Variants in SEC24A observed in about 807,000 individuals in gnomAD.
SEC24A encodes protein transport protein Sec24A.
In SEC24A, 93 loss-of-function variants were observed where a neutral mutation model predicts 129.4. That is an observed-to-expected ratio of 0.72 (90% confidence interval 0.61 to 0.85). The LOEUF is 0.85. SEC24A is among the 40% of genes least tolerant of loss of function. The pLI is 0.00. For missense variants in SEC24A, 1,264 were observed against 1,307.4 expected (o/e 0.97, Z 0.51); for synonymous variants, 460 against 467.3 (o/e 0.98, Z 0.20).
At chr5:134,687,987 G>T (rs1418058263) in intron 10 of SEC24A, among the ~76,000 whole-genome samples, 194 bp from the exon 11 acceptor site, 1 of 152,030 alleles carries the variant, frequency 6.6e-6, no homozygotes, top group African/African-American at 2.4e-5. Context: ...TTATTGTTTG[G>T]CTTACATGTA....
rs565580061 is a variant in SEC24A at position 134,691,501 on chromosome 5, T to C, written c.1724-1101T>C. ...TTTTTAAAGGCACTGGTGTGGGCCT[T>C]CTTTTTTTTTTTTTTTGAGACGAGT... On this transcript the variant is annotated intron_variant, in intron 11 of 22. Transcript: ENST00000398844. Among the ~76,000 whole-genome samples, 10 of 146,560 alleles carry C rather than the reference T, an allele frequency of 6.8e-5. No individual in the cohort carries two copies. The South Asian group carries it at 2.2e-3, about 33-fold the overall frequency.
At chr5:134,687,577 G>A (rs1488718204) in intron 10 of SEC24A, among the ~76,000 whole-genome samples, 2 of 152,174 alleles carry the variant, frequency 1.3e-5, no homozygotes, top group African/African-American at 4.8e-5. Context: ...TTCATCACGA[G>A]TGGAGTAACT....
chr5:134,693,126 G>C (rs753389431), intron 12 of SEC24A: 30 of 1,535,524 alleles, frequency 2.0e-5, no homozygotes, highest in African/African-American at 8.2e-5. Flanking sequence ...GTGTCTGAAG[G>C]GGGGATGTTG....
chr5:134,701,007 C>G (rs745984081), intron 15 of SEC24A, among the ~76,000 whole-genome samples: 1 of 151,994 alleles, frequency 6.6e-6, no homozygotes, highest in Non-Finnish European at 1.5e-5. Context: ...CGTGAGCCAC[C>G]GCGCCTGGAC....
chr5:134,654,995 G>A (rs1303883317), intron 1 of SEC24A, among the ~76,000 whole-genome samples: 1 of 152,104 alleles, frequency 6.6e-6, no homozygotes, highest in Non-Finnish European at 1.5e-5. Flanking sequence ...GATTACAGGT[G>A]TGAACCACTA....
At chr5:134,708,921 G>GA in intron 18 of SEC24A, 33 bp downstream of exon 18, 1 of 1,597,876 alleles carries the variant, frequency 6.3e-7, no homozygotes, top group Non-Finnish European at 8.5e-7. Flanking sequence ...CTAACACAAT[G>GA]ATGGCCAGGC....
intron 15 of SEC24A, among the ~76,000 whole-genome samples, chr5:134,701,597 G>A (rs576907964): frequency 2.0e-5 from 3 of 150,744 alleles, no homozygotes; most frequent in African/African-American, 7.3e-5. Context: ...TGCAACCTTC[G>A]CCTCCCGGGG....
rs1159036757 is a variant in SEC24A, at chr5:134,675,957, T to C, written c.1152-66T>C. ...TATTAAAATGTATACCTTTTAAATC[T>C]TTGTTGTTGTTTTCTTCAAAAATAA... is the stretch of plus-strand genomic sequence containing the variant. On this transcript the variant is annotated intron_variant, in intron 6 of 22. Transcript: ENST00000398844. The C allele has an allele frequency of 8.9e-6, 10 of 1,127,328 alleles. No homozygotes were observed. In the Admixed American group the frequency reaches 1.8e-4, roughly 21 times the overall value. The allele number at this position is 1,127,328 out of a possible 1,614,324, so 69.8% of individuals were successfully genotyped here.
At chr5:134,669,569 G>A (rs1376440727) in intron 3 of SEC24A, among the ~76,000 whole-genome samples, 3 of 151,752 alleles carry the variant, frequency 2.0e-5, no homozygotes, top group South Asian at 2.1e-4. Flanking sequence ...CTCCGCTCCC[G>A]GGTTCACGCC....
intron 17 of SEC24A, among the ~76,000 whole-genome samples, chr5:134,707,070 C>T (rs1330982939): frequency 6.6e-6 from 1 of 152,134 alleles, no homozygotes; most frequent in East Asian, 1.9e-4. Context: ...ATCCTGGGCT[C>T]AAGCAATCCT....
chr5:134,669,244 G>A (rs1449970283), intron 3 of SEC24A, among the ~76,000 whole-genome samples: 2 of 150,574 alleles, frequency 1.3e-5, no homozygotes, highest in Admixed American at 6.6e-5. Context: ...TCGGCTCACC[G>A]CAACCTCCGC....
intron 18 of SEC24A, among the ~76,000 whole-genome samples, chr5:134,713,986 G>A (rs536501505): frequency 9.0e-4 from 137 of 151,548 alleles, no homozygotes; most frequent in African/African-American, 3.2e-3. Flanking sequence ...AGGTTGCAGT[G>A]AGCAGAGATC....
At chr5:134,671,413 T>A (rs886581753) in intron 3 of SEC24A, among the ~76,000 whole-genome samples, 2 of 152,176 alleles carry the variant, frequency 1.3e-5, no homozygotes, top group Non-Finnish European at 2.9e-5. Flanking sequence ...TGTGTACTGC[T>A]CCTTAGAGGT....
intron 2 of SEC24A, among the ~76,000 whole-genome samples, chr5:134,663,544 G>A (rs928587929): frequency 1.1e-4 from 16 of 152,194 alleles, no homozygotes; most frequent in Non-Finnish European, 1.3e-4. Flanking sequence ...AGGGCCAGGC[G>A]TGGTGGCTCA....
intron 1 of SEC24A, among the ~76,000 whole-genome samples, chr5:134,649,713 C>T (rs1464992977): frequency 1.3e-5 from 2 of 152,102 alleles, no homozygotes; most frequent in African/African-American, 4.8e-5. Flanking sequence ...GTGGAAAAAC[C>T]AAATAGAAGG....
intron 8 of SEC24A, among the ~76,000 whole-genome samples, chr5:134,681,315 G>A (rs190620504): frequency 0.011 from 1,695 of 152,004 alleles, 25 homozygotes; most frequent in Non-Finnish European, 0.015. Context: ...CAGGAGAATC[G>A]CTTGAACCCG....
At chr5:134,679,799 C>G (rs1580704265) in intron 8 of SEC24A, 71 bp downstream of exon 8, 1 of 1,228,724 alleles carries the variant, frequency 8.1e-7, no homozygotes, top group Admixed American at 2.7e-5. Context: ...GATACAAATG[C>G]ACAGTTAAAA....
Position 134,648,842 on chromosome 5 carries a change from G to T in SEC24A, c.-235G>T. On this transcript the variant is annotated 5_prime_UTR_variant, in exon 1 of 23. Coordinates refer to ENST00000398844, the MANE Select transcript of SEC24A (RefSeq NM_021982.3). ...GGTTTGGCTGCCGCCTTCTAGCCGG[G>T]CGTTCGCGGCCCCGCCGGCCCGACT... The T allele has an allele frequency of 5.2e-6, 2 of 381,520 alleles. No individual in the cohort carries two copies. The highest frequency in any genetic ancestry group is 1.2e-4 in the South Asian group (2 of 16,204). 23.6% of individuals were successfully genotyped at this position (381,520 alleles called of 1,614,324 possible).
rs1751191938 is a variant in SEC24A, at chr5:134,679,618, C to T, written c.1271C>T (p.Thr424Ile). Residue 424 changes from threonine to isoleucine, a missense_variant, in exon 8 of 23, where the codon ACC becomes ATC. By Grantham distance (89) the Thr-to-Ile change is moderately conservative. Coordinates refer to ENST00000398844, the MANE Select transcript of SEC24A (RefSeq NM_021982.3). ...FKDLVQLPVV[T>I]SSTIVRCRSC... is the part of the protein sequence containing the mutation. ...TTTTTCCAGCAATTGCCTGTGGTTA[C>T]CTCCAGTACAATTGTGAGATGCCGT... is the stretch of plus-strand genomic sequence containing the variant. 5 of 1,575,512 alleles carry T rather than the reference C, an allele frequency of 3.2e-6. No individual in the cohort carries two copies. The highest frequency in any genetic ancestry group is 1.4e-5 in the African/African-American group (1 of 73,898).
Sources: gnomAD v4.1 joint callset for allele counts (sites outside exome capture counted in the v4.1 genomes callset) on GRCh38, gnomAD v4.1.1 for gene constraint, MANE v1.5 for transcripts, NCBI Gene and HGNC (gene_info 2026-07-23, HGNC 2026-07-21) for gene names.